The following RAP1GAP2 variants were observed in gnomAD, a reference collection of about 807,000 sequenced individuals.
RAP1GAP2 encodes RAP1 GTPase activating protein 2, also known as rap1 GTPase-activating protein 2.
In RAP1GAP2, 27 loss-of-function variants were observed where a neutral mutation model predicts 95.0. The observed-to-expected ratio is 0.28, with a 90% confidence interval of 0.21 to 0.39. The LOEUF (loss-of-function observed/expected upper bound fraction) is 0.39. Among genes scored for constraint, RAP1GAP2 ranks in the 10% least tolerant of loss-of-function variants. RAP1GAP2 has a pLI of 1.00. For missense variants in RAP1GAP2, 771 were observed against 970.0 expected (o/e 0.79, Z 2.72); for synonymous variants, 373 against 380.9 (o/e 0.98, Z 0.24).
intron 2 of RAP1GAP2, among the ~76,000 whole-genome samples, chr17:2,818,450 A>T (rs544058413): frequency 5.3e-4 from 80 of 151,826 alleles, no homozygotes; most frequent in African/African-American, 1.8e-3. Context: ...CAGCCTCCCA[A>T]GTAGCTGGGA....
At chr17:2,980,856 G>C (rs1272876461) in intron 9 of RAP1GAP2, among the ~76,000 whole-genome samples, 1 of 152,170 alleles carries the variant, frequency 6.6e-6, no homozygotes, top group Admixed American at 6.5e-5. Flanking sequence ...AGTCAGCTGG[G>C]TTGGTTGGAC....
chr17:2,762,164 T>C (rs889929746), intron 1 of RAP1GAP2, among the ~76,000 whole-genome samples: 2 of 151,350 alleles, frequency 1.3e-5, no homozygotes, highest in Non-Finnish European at 2.9e-5. Flanking sequence ...ATTTTTTGTG[T>C]TTTTAGTAGA....
intron 1 of RAP1GAP2, among the ~76,000 whole-genome samples, chr17:2,790,656 G>C (rs2068901166): frequency 6.6e-6 from 1 of 152,180 alleles, no homozygotes; most frequent in Non-Finnish European, 1.5e-5. Context: ...GCTTCACTCG[G>C]GACATCTGTT....
At chr17:2,979,617 C>G (rs1375615202) in intron 8 of RAP1GAP2, among the ~76,000 whole-genome samples, 2 of 151,866 alleles carry the variant, frequency 1.3e-5, no homozygotes, top group South Asian at 2.1e-4. Flanking sequence ...CAGGCACCCA[C>G]CACCGCGCCC....
intron 2 of RAP1GAP2, among the ~76,000 whole-genome samples, chr17:2,901,417 T>G (rs1016683231): frequency 6.6e-6 from 1 of 152,118 alleles, no homozygotes; most frequent in Non-Finnish European, 1.5e-5. Context: ...CTCCAGCCCC[T>G]CCTCTCATGG....
At chr17:2,995,251 T>G in intron 12 of RAP1GAP2, 86 bp from the exon 13 acceptor site, 1 of 1,470,614 alleles carries the variant, frequency 6.8e-7, no homozygotes, top group Non-Finnish European at 9.4e-7. Flanking sequence ...TATCCTCTGC[T>G]GCGTATACTT....
At chr17:2,833,979 C>T (rs1021376574) in intron 2 of RAP1GAP2, among the ~76,000 whole-genome samples, 1 of 152,168 alleles carries the variant, frequency 6.6e-6, no homozygotes, top group African/African-American at 2.4e-5. Context: ...GTCCTGCGTG[C>T]TGTACCCTCC....
At chr17:2,790,441 T>C (rs867657125) in intron 1 of RAP1GAP2, among the ~76,000 whole-genome samples, 59 of 152,230 alleles carry the variant, frequency 3.9e-4, no homozygotes, top group African/African-American at 1.3e-3. Flanking sequence ...TTTATCTTCA[T>C]ATGGTTTATG....
chr17:2,972,788 C>T (rs999419906), intron 8 of RAP1GAP2, among the ~76,000 whole-genome samples: 1 of 152,112 alleles, frequency 6.6e-6, no homozygotes, highest in Middle Eastern at 3.4e-3. Flanking sequence ...GTTATTTTAC[C>T]AATGCAGGAT....
At chr17:2,925,431 AAG>A (rs1438047560) in intron 3 of RAP1GAP2, among the ~76,000 whole-genome samples, 1 of 152,150 alleles carries the variant, frequency 6.6e-6, no homozygotes, top group Non-Finnish European at 1.5e-5. Context: ...GGCAGCAGGA[AAG>A]AGAAGAGCGA....
In RAP1GAP2 at chr17:2,902,323, T is replaced by A. The variant is rs1186605622; in HGVS notation, c.81-2961T>A. 6.6e-6 allele frequency among the ~76,000 whole-genome samples: 1 copy of A among 152,148 alleles called. No homozygotes were observed. The highest frequency in any genetic ancestry group is 1.5e-5 in the Non-Finnish European group (1 of 68,024). The stretch of plus-strand genomic sequence containing the variant: ...CCTCCACCTCTTGGGTTCAAGCGAT[T>A]CTCTTGCCTCAGCCTCCCAAGTAGC... On this transcript the variant is annotated intron_variant, in intron 2 of 24. Coordinates refer to ENST00000254695, the MANE Select transcript of RAP1GAP2 (RefSeq NM_015085.5). This position sits in a 1 kb window ranked among gnomAD's most constrained non-coding sequence, Gnocchi z 4.1.
At chr17:2,994,124 T>C (rs2045873969) in intron 12 of RAP1GAP2, among the ~76,000 whole-genome samples, 1 of 152,134 alleles carries the variant, frequency 6.6e-6, no homozygotes, top group Non-Finnish European at 1.5e-5. Context: ...GTTATGAAAT[T>C]CTATCCCTTT....
At position 3,037,364 on chromosome 17, in the gene RAP1GAP2, A is replaced by AGCCC. The variant is rs776881618; in HGVS notation, c.*4003_*4004insGCCC. 5 of 29,746 alleles carry AGCCC rather than the reference A, an allele frequency of 1.7e-4. No homozygotes were observed. The highest frequency in any genetic ancestry group is 3.4e-4 in the African/African-American group (5 of 14,508). The allele number at this position is 29,746 out of a possible 1,614,324, so 1.8% of individuals were successfully genotyped here. A position where few individuals can be genotyped will look rare whatever the true frequency, so the allele number is the denominator to read the frequency against. ...ACATTTCTGCTTGGAAGTGTGAACT[A>AGCCC]CCCCCCCCCCCCCGCTTCCTGCTCC... On this transcript the variant is annotated 3_prime_UTR_variant, in exon 25 of 25. Transcript: ENST00000254695.
chr17:2,770,547 C>A, intron 2 of RAP1GAP2: 1 of 397,586 alleles, frequency 2.5e-6, no homozygotes. Flanking sequence ...ACAAATCCAC[C>A]ATGGGGAACT....
Position 2,896,079 on chromosome 17 carries a change from C to T in RAP1GAP2, c.81-9205C>T, listed in dbSNP as rs79461475. ...TCAGCCGTTGCCTCCTGTGCGATCC[C>T]GTAGCTGGTCTCCCAAGGAGAACCA... is the stretch of plus-strand genomic sequence containing the variant. On this transcript the variant is annotated intron_variant, in intron 2 of 24. Transcript: ENST00000254695. Among the ~76,000 whole-genome samples, 540 of 152,158 alleles carry T rather than the reference C, an allele frequency of 3.5e-3. 7 individuals carry two copies. Among genetic ancestry groups the T allele is most frequent in the African/African-American group, 0.012 (508 of 41,494 alleles).
chr17:2,988,181 G>GC, intron 11 of RAP1GAP2, among the ~76,000 whole-genome samples: 1 of 150,662 alleles, frequency 6.6e-6, no homozygotes, highest in African/African-American at 2.5e-5. Context: ...TTGCACTCCA[G>GC]CTGGAGCAAC....
chr17:2,820,892 G>GTTTTTTTTTTTTTTTTT (rs59814346), intron 2 of RAP1GAP2, among the ~76,000 whole-genome samples: 2 of 104,102 alleles, frequency 1.9e-5, no homozygotes, highest in Admixed American at 1.1e-4. Context: ...CCGGATAATG[G>GTTTTTTTTTTTTTTTTT]TTTTTTTTTT....
chr17:2,944,429 C>T (rs752503931), intron 3 of RAP1GAP2, among the ~76,000 whole-genome samples: 7 of 152,208 alleles, frequency 4.6e-5, no homozygotes, highest in Non-Finnish European at 1.0e-4. Context: ...GCAATCCTGT[C>T]AAAACACAGT....
At chr17:2,843,729 G>C (rs1386249464) in intron 2 of RAP1GAP2, among the ~76,000 whole-genome samples, 2 of 152,178 alleles carry the variant, frequency 1.3e-5, no homozygotes, top group Non-Finnish European at 2.9e-5. Context: ...CGCCTTCCCA[G>C]AGTCATGCTG....
Sources: gnomAD v4.1 joint callset for allele counts (sites outside exome capture counted in the v4.1 genomes callset) on GRCh38, gnomAD v4.1.1 for gene constraint, Gnocchi (gnomAD v3.1) non-coding constraint, MANE v1.5 for transcripts, NCBI Gene and HGNC (gene_info 2026-07-23, HGNC 2026-07-21) for gene names.